Variants in SCN11A observed in about 807,000 individuals in gnomAD.
SCN11A encodes sodium voltage-gated channel alpha subunit 11, also known as sodium channel protein type 11 subunit alpha.
A neutral mutation model predicts 162.2 loss-of-function variants in SCN11A; 122 were observed. That is an observed-to-expected ratio of 0.75 (90% CI 0.65 to 0.87). SCN11A has a LOEUF of 0.87. Ranked by LOEUF, SCN11A falls within the 40% of genes least tolerant of loss-of-function variation. The pLI is 0.00. For synonymous variants in SCN11A, 758 were observed against 751.5 expected (o/e 1.01, Z -0.14); for missense variants, 2,015 against 2,181.6 (o/e 0.92, Z 1.52).
intron 1 of SCN11A, among the ~76,000 whole-genome samples, chr3:39,050,647 C>T (rs753880615): frequency 2.0e-5 from 3 of 152,138 alleles, no homozygotes; most frequent in Admixed American, 6.5e-5. Flanking sequence ...TATACTAGCA[C>T]TATGCAACAG....
chr3:38,960,487 T>G (rs2066730935), intron 2 of SCN11A, among the ~76,000 whole-genome samples, 64 bp from the exon 3 acceptor site: 1 of 152,194 alleles, frequency 6.6e-6, no homozygotes, highest in South Asian at 2.1e-4. Flanking sequence ...AAGAATTGTG[T>G]AGGAAACCCT....
intron 2 of SCN11A, among the ~76,000 whole-genome samples, chr3:38,970,944 G>A (rs1376322512): frequency 6.6e-6 from 1 of 152,066 alleles, no homozygotes; most frequent in Non-Finnish European, 1.5e-5. Flanking sequence ...CTCCATCAGG[G>A]AGCTTAACAG....
chr3:38,896,465 T>A (rs2126117634), intron 18 of SCN11A, among the ~76,000 whole-genome samples: 1 of 152,298 alleles, frequency 6.6e-6, no homozygotes, highest in Non-Finnish European at 1.5e-5. Context: ...GATCATTTTT[T>A]AAAAACACAT....
At chr3:38,884,041 T>C (rs751777017) in intron 21 of SCN11A, among the ~76,000 whole-genome samples, 31 of 152,120 alleles carry the variant, frequency 2.0e-4, no homozygotes, top group Non-Finnish European at 3.1e-4. Context: ...ATAGACCACA[T>C]TGCCCTTTCC....
chr3:38,981,797 G>A (rs1211907082), intron 2 of SCN11A, among the ~76,000 whole-genome samples: 1 of 152,042 alleles, frequency 6.6e-6, no homozygotes, highest in African/African-American at 2.4e-5. Flanking sequence ...CTGAGGTCAG[G>A]AGTTTGAGAC....
chr3:38,910,005 A>C, intron 12 of SCN11A, 61 bp downstream of exon 12: 1 of 1,498,018 alleles, frequency 6.7e-7, no homozygotes, highest in Non-Finnish European at 9.1e-7. Context: ...TAAGTGATAG[A>C]GGGGGAAGGA....
intron 2 of SCN11A, among the ~76,000 whole-genome samples, chr3:39,032,155 A>C (rs2031776520): frequency 6.6e-6 from 1 of 152,218 alleles, no homozygotes; most frequent in African/African-American, 2.4e-5. Flanking sequence ...CAATAAAATA[A>C]ACTCAGTTGC....
Position 38,894,970 on chromosome 3 carries a change from A to G in SCN11A, c.2404-6T>C, listed in dbSNP as rs964158614. ...GCAATGAAGAGGTTGAGCACCTGGG[A>G]ATGGGGTGGGTAGCAAGAAGAAAGG... On this transcript the variant is annotated splice_polypyrimidine_tract_variant and splice_region_variant and intron_variant, in intron 18 of 29. Transcript: ENST00000302328. 6.3e-6 allele frequency: 10 copies of G among 1,590,958 alleles called. No homozygotes were observed. Among genetic ancestry groups the G allele is most frequent in the African/African-American group, 2.7e-5 (2 of 73,988 alleles).
chr3:38,987,766 C>G (rs2030310484), intron 2 of SCN11A, among the ~76,000 whole-genome samples: 1 of 152,168 alleles, frequency 6.6e-6, no homozygotes, highest in South Asian at 2.1e-4. Context: ...TCTCAGGGAG[C>G]CAAGGTGCCC....
At chr3:38,857,749 G>T (rs939005524) in intron 28 of SCN11A, among the ~76,000 whole-genome samples, 1 of 151,994 alleles carries the variant, frequency 6.6e-6, no homozygotes, top group South Asian at 2.1e-4. Flanking sequence ...TGAGACAAAA[G>T]AATTAGATAA....
intron 1 of SCN11A, among the ~76,000 whole-genome samples, chr3:39,041,414 G>A (rs957167282): frequency 2.6e-5 from 4 of 152,136 alleles, no homozygotes; most frequent in Non-Finnish European, 5.9e-5. Context: ...TAATCAAATT[G>A]TCAAAAGTCA....
At chr3:38,930,691 G>C (rs1290166309) in intron 7 of SCN11A, among the ~76,000 whole-genome samples, 4 of 152,054 alleles carry the variant, frequency 2.6e-5, no homozygotes, top group Admixed American at 6.5e-5. Context: ...ACCATTGATG[G>C]GACAGGCAGA....
chr3:39,028,401 T>C (rs1158439613), intron 2 of SCN11A, among the ~76,000 whole-genome samples: 2 of 152,234 alleles, frequency 1.3e-5, no homozygotes, highest in East Asian at 3.8e-4. Flanking sequence ...TAACTAGTTC[T>C]CAGGGATATT....
chr3:38,879,052 C>T (rs1180830414), intron 23 of SCN11A, among the ~76,000 whole-genome samples: 3 of 152,064 alleles, frequency 2.0e-5, no homozygotes, highest in Admixed American at 6.6e-5. Flanking sequence ...TACTATGTAT[C>T]AGTAAACATA....
Position 38,883,357 on chromosome 3 carries a change from A to G in SCN11A, c.3095T>C (p.Val1032Ala). The stretch of plus-strand genomic sequence containing the variant: ...GACCCAGGGAGGCTTTCTCTTGTCC[A>G]CGCTACAGCATGGAAAGCAGCAACC... ...GFGCCFPCCS[V>A]DKRKPPWVIW... is the part of the protein sequence containing the mutation. Residue 1032 changes from valine to alanine, a missense_variant, in exon 22 of 30, where the codon GTG becomes GCG. Coordinates refer to ENST00000302328, the MANE Select transcript of SCN11A (RefSeq NM_001349253.2). 1 of 1,613,980 alleles carries G rather than the reference A, an allele frequency of 6.2e-7. No individual in the cohort carries two copies. Among genetic ancestry groups the G allele is most frequent in the Non-Finnish European group, 8.5e-7 (1 of 1,179,900 alleles).
intron 7 of SCN11A, 125 bp from the exon 8 acceptor site, chr3:38,927,056 TCA>T: frequency 1.1e-6 from 1 of 912,316 alleles, no homozygotes; most frequent in Non-Finnish European, 1.6e-6. Context: ...ATTCTGGTCT[TCA>T]GCAAACCAGA....
In SCN11A at chr3:38,847,393, G is replaced by C. The variant is rs756527040; in HGVS notation, c.4677C>G (p.Pro1559=). ...TACATGATTCTTTTGATCGCAGCAT[G>C]GGGCTGAGCAGGGAATCCCAACCTG... ...TSAGWDSLLS[P]MLRSKESCNS... Residue 1559 remains proline (P), a synonymous_variant, in exon 30 of 30, where the codon CCC becomes CCG. Coordinates refer to ENST00000302328, the MANE Select transcript of SCN11A (RefSeq NM_001349253.2). The C allele has an allele frequency of 2.5e-6, 4 of 1,614,176 alleles. No homozygotes were observed. In the East Asian group the frequency reaches 8.9e-5, roughly 36 times the overall value.
rs774911846 is a variant in SCN11A at position 38,910,093 on chromosome 3, T to C, written c.1074A>G (p.Gln358=). ...GTTGATAAAGCTTCTCCCAGGAATC[T>C]TGGGTCATCAGCCGGAACATGGCAA... ...SFLAMFRLMT[Q]DSWEKLYQQT... Residue 358 remains glutamine (Q), a synonymous_variant, in exon 12 of 30, where the codon CAA becomes CAG. Coordinates refer to ENST00000302328, the MANE Select transcript of SCN11A (RefSeq NM_001349253.2). 6.2e-7 allele frequency: 1 copy of C among 1,613,898 alleles called. No homozygotes were observed. Among genetic ancestry groups the C allele is most frequent in the Admixed American group, 1.7e-5 (1 of 59,980 alleles).
At chr3:38,958,342 T>A (rs1469632682) in intron 3 of SCN11A, among the ~76,000 whole-genome samples, 1 of 152,218 alleles carries the variant, frequency 6.6e-6, no homozygotes, top group Non-Finnish European at 1.5e-5. Context: ...GAGGTGCCCA[T>A]CTACAGGGCT....
Sources: gnomAD v4.1 joint callset for allele counts (sites outside exome capture counted in the v4.1 genomes callset) on GRCh38, gnomAD v4.1.1 for gene constraint, MANE v1.5 for transcripts, NCBI Gene and HGNC (gene_info 2026-07-23, HGNC 2026-07-21) for gene names.